PCDHA9: variants seen among roughly 807,000 people sequenced by gnomAD.
PCDHA9 encodes the protein protocadherin alpha-9.
In PCDHA9, 62 loss-of-function variants were observed where a neutral mutation model predicts 62.0. That is an observed-to-expected ratio of 1.00 (90% CI 0.81 to 1.23). The LOEUF (loss-of-function observed/expected upper bound fraction) is 1.23. PCDHA9 is among the 50% of genes most tolerant of loss of function. PCDHA9 has a pLI of 0.00. For synonymous variants in PCDHA9, 557 were observed against 567.6 expected, an observed-to-expected ratio of 0.98 and a Z score of 0.27; for missense variants, 1,205 against 1,249.8, an observed-to-expected ratio of 0.96 and a Z score of 0.54.
intron 1 of PCDHA9, among the ~76,000 whole-genome samples, chr5:140,922,947 C>A (rs533564361): frequency 6.6e-6 from 1 of 152,178 alleles, no homozygotes; most frequent in South Asian, 2.1e-4. Context: ...AATGGAAATC[C>A]AGTTTGTCTT....
intron 1 of PCDHA9, chr5:140,927,555 C>G: frequency 6.2e-7 from 1 of 1,614,176 alleles, no homozygotes. Context: ...AAGTCACCAT[C>G]ATTGTGGTGG....
At chr5:140,922,092 C>G (rs188826380) in intron 1 of PCDHA9, among the ~76,000 whole-genome samples, 2 of 152,184 alleles carry the variant, frequency 1.3e-5, no homozygotes. Context: ...GGTATTTCTA[C>G]CAACTATAGA....
At chr5:140,876,015 A>G (rs1479938988) in intron 1 of PCDHA9, 3 of 1,613,662 alleles carry the variant, frequency 1.9e-6, no homozygotes, top group Non-Finnish European at 2.5e-6. Flanking sequence ...TTGAGCTTAA[A>G]ATAAAAACAA....
chr5:140,880,365 C>A (rs1462418898), intron 1 of PCDHA9, among the ~76,000 whole-genome samples: 1 of 151,976 alleles, frequency 6.6e-6, no homozygotes, highest in Non-Finnish European at 1.5e-5. Flanking sequence ...TAGATGAAAA[C>A]CATGAGAGAA....
chr5:140,930,997 A>G (rs1355351475), intron 1 of PCDHA9, among the ~76,000 whole-genome samples: 3 of 152,198 alleles, frequency 2.0e-5, no homozygotes, highest in Admixed American at 1.3e-4. Context: ...GACCTACACT[A>G]ATAACATAAC....
At chr5:140,927,064 C>T (rs1409465902) in intron 1 of PCDHA9, 2 of 1,611,234 alleles carry the variant, frequency 1.2e-6, no homozygotes, top group Admixed American at 1.7e-5. Flanking sequence ...CTTTCGCTTC[C>T]TTTCCAGCCA....
At chr5:140,911,539 C>T (rs1554194791) in intron 1 of PCDHA9, among the ~76,000 whole-genome samples, 1 of 152,194 alleles carries the variant, frequency 6.6e-6, no homozygotes, top group African/African-American at 2.4e-5. Context: ...ATTAGAATCC[C>T]TAAGTTCATC....
intron 1 of PCDHA9, among the ~76,000 whole-genome samples, chr5:140,933,309 A>G (rs183796217): frequency 4.7e-4 from 72 of 152,092 alleles, no homozygotes; most frequent in Middle Eastern, 6.8e-3. Context: ...TAAATATGCA[A>G]TCTCGTATTC....
chr5:140,997,575 C>T (rs565835201), intron 3 of PCDHA9, among the ~76,000 whole-genome samples: 5 of 151,884 alleles, frequency 3.3e-5, no homozygotes, highest in East Asian at 3.9e-4. Context: ...ATGTGTGGTC[C>T]GTTGTTGACT....
chr5:140,884,440 G>C (rs1554181563), intron 1 of PCDHA9: 5 of 1,613,830 alleles, frequency 3.1e-6, no homozygotes, highest in Non-Finnish European at 2.5e-6. Context: ...TGCGGTGCTC[G>C]GCACCGCCCA....
chr5:140,926,698 C>G, intron 1 of PCDHA9: 2 of 787,702 alleles, frequency 2.5e-6, no homozygotes, highest in Non-Finnish European at 3.6e-6. Context: ...AAGCCCGGCT[C>G]CCAGCTGGCC....
intron 3 of PCDHA9, among the ~76,000 whole-genome samples, chr5:140,987,478 T>A (rs2097255782): frequency 6.6e-6 from 1 of 152,104 alleles, no homozygotes. Flanking sequence ...AGCTTGGGAG[T>A]CAGTGACCCT....
At chr5:140,862,901 C>CA in intron 1 of PCDHA9, 2 of 551,296 alleles carry the variant, frequency 3.6e-6, no homozygotes, top group Non-Finnish European at 3.5e-6. Context: ...ACTTTGTCTG[C>CA]GCTGCTGGCG....
chr5:140,961,738 G>A (rs976601916), intron 1 of PCDHA9, among the ~76,000 whole-genome samples: 2 of 152,118 alleles, frequency 1.3e-5, no homozygotes, highest in African/African-American at 4.8e-5. Flanking sequence ...AATCACTTTA[G>A]TAATATTACA....
chr5:140,959,413 T>G (rs1328731924), intron 1 of PCDHA9, among the ~76,000 whole-genome samples: 1 of 152,152 alleles, frequency 6.6e-6, no homozygotes, highest in Admixed American at 6.6e-5. Context: ...TGTTGATTGA[T>G]CTGAGAATTT....
chr5:140,975,380 G>A (rs1554236775), intron 1 of PCDHA9, among the ~76,000 whole-genome samples: 2 of 152,220 alleles, frequency 1.3e-5, no homozygotes, highest in African/African-American at 4.8e-5. Flanking sequence ...GTAATCATGG[G>A]AATAAGATCC....
intron 1 of PCDHA9, among the ~76,000 whole-genome samples, chr5:140,874,119 G>C (rs1256177133): frequency 6.6e-6 from 1 of 152,064 alleles, no homozygotes; most frequent in Non-Finnish European, 1.5e-5. Flanking sequence ...ACGTTTTATA[G>C]TTTATTTAAG....
At chr5:141,005,701 CAAAAAAAAAAAAAA>C (rs59860837) in intron 3 of PCDHA9, among the ~76,000 whole-genome samples, 79 of 7,792 alleles carry the variant, frequency 0.01, 1 homozygote, top group Admixed American at 0.027. Flanking sequence ...AACTCCGTCT[CAAAAAAAAAAAAAA>C]AAAAAAAAAA....
intron 1 of PCDHA9, among the ~76,000 whole-genome samples, chr5:140,936,673 A>G (rs77819967): frequency 0.018 from 2,748 of 152,254 alleles, 64 homozygotes; most frequent in South Asian, 0.1. Context: ...TGGACTGTCT[A>G]TTCTGTTTCA....
Sources: gnomAD v4.1 joint callset for allele counts (sites outside exome capture counted in the v4.1 genomes callset) on GRCh38, gnomAD v4.1.1 for gene constraint, MANE v1.5 for transcripts, NCBI Gene and HGNC (gene_info 2026-07-23, HGNC 2026-07-21) for gene names.